ZNF131: variants seen among roughly 807,000 people sequenced by gnomAD.
ZNF131 encodes zinc finger and BTB domain containing 35.
Under a neutral mutation model 60.0 loss-of-function variants are expected in ZNF131, and 7 were observed. The observed-to-expected ratio is 0.12, with a 90% CI of 0.07 to 0.22. The LOEUF (loss-of-function observed/expected upper bound fraction) is 0.22. Ranked by LOEUF, ZNF131 falls within the 10% of genes least tolerant of loss-of-function variation. The pLI is 1.00. For missense variants in ZNF131, 493 were observed against 740.9 expected, an observed-to-expected ratio of 0.67 and a Z score of 3.88; for synonymous variants, 257 against 253.2, an observed-to-expected ratio of 1.01 and a Z score of -0.14.
chr5:43,128,658 A>T (rs1259352476), intron 3 of ZNF131, among the ~76,000 whole-genome samples: 37 of 47,192 alleles, frequency 7.8e-4, no homozygotes, highest in African/African-American at 2.1e-3. Flanking sequence ...CTCCATCTCA[A>T]AAAAAAAAAA....
chr5:43,156,873 T>G (rs2111850142), intron 4 of ZNF131, among the ~76,000 whole-genome samples: 1 of 152,022 alleles, frequency 6.6e-6, no homozygotes, highest in East Asian at 1.9e-4. Context: ...CTTGTCTCTC[T>G]ACCCCCACCA....
Position 43,161,513 on chromosome 5 carries a change from A to G in ZNF131, c.636A>G (p.Ala212=), listed in dbSNP as rs1426433532. 6.2e-7 allele frequency: 1 copy of G among 1,614,134 alleles called. No homozygotes were observed. Among genetic ancestry groups the G allele is most frequent in the Non-Finnish European group, 8.5e-7 (1 of 1,180,044 alleles). The change falls in exon 5 of 7, where the codon GCA becomes GCG. Residue 212 remains alanine, a synonymous_variant. Transcript: ENST00000682664. ...STGSSDDSAL[A]LLADITSKYR... is the part of the protein sequence containing the mutation. ...GTTCCTCTGATGATTCTGCTCTAGC[A>G]CTGTTGGCAGATATTACCAGCAAGT...
chr5:43,162,309 C>T (rs1465468713), intron 5 of ZNF131, among the ~76,000 whole-genome samples: 2 of 152,290 alleles, frequency 1.3e-5, no homozygotes, highest in East Asian at 1.9e-4. Context: ...CAATCCCTGA[C>T]AGCCAGGCGC....
At chr5:43,155,498 C>T (rs1216117700) in intron 4 of ZNF131, among the ~76,000 whole-genome samples, 1 of 152,178 alleles carries the variant, frequency 6.6e-6, no homozygotes, top group Non-Finnish European at 1.5e-5. Context: ...ACAAAAGCAT[C>T]AGGCTCAGAC....
At chr5:43,170,206 TGAAAA>T (rs1471689159) in intron 5 of ZNF131, among the ~76,000 whole-genome samples, 2 of 152,372 alleles carry the variant, frequency 1.3e-5, no homozygotes, top group Non-Finnish European at 2.9e-5. Flanking sequence ...TTTTGGGAGT[TGAAAA>T]GAGTTTCTGT....
Position 43,174,876 on chromosome 5 carries a change from C to T in ZNF131, c.1615C>T (p.His539Tyr). The change falls in exon 7 of 7, where the codon CAT becomes TAT. Residue 539 changes from histidine to tyrosine, a missense_variant. By Grantham distance (83) the His-to-Tyr change is moderately conservative. This residue lies in a region of ZNF131 where 202 missense variants were observed against 221.3 expected (regional missense o/e 0.91). Transcript: ENST00000682664. ...TCAGACTGAAGAAGGTACTGAAGTACATGTAGAGGAGCTGCATGTTGAACG... is the reference window on the plus strand; with the variant it reads ...TCAGACTGAAGAAGGTACTGAAGTATATGTAGAGGAGCTGCATGTTGAACG... The part of the protein sequence containing the change: ...RIQTEEGTEV[H>Y]VEELHVERVN... 6.2e-7 allele frequency: 1 copy of T among 1,614,064 alleles called. No individual in the cohort carries two copies. The highest frequency in any genetic ancestry group is 8.5e-7 in the Non-Finnish European group (1 of 1,180,024).
At chr5:43,142,936 C>T (rs746172406) in intron 4 of ZNF131, among the ~76,000 whole-genome samples, 5 of 151,932 alleles carry the variant, frequency 3.3e-5, no homozygotes, top group African/African-American at 7.3e-5. Context: ...GCTCAAGAGA[C>T]GTGGCCACCT....
At chr5:43,169,243 A>C (rs142297060) in intron 5 of ZNF131, among the ~76,000 whole-genome samples, 94 of 152,358 alleles carry the variant, frequency 6.2e-4, no homozygotes, top group African/African-American at 2.2e-3. Flanking sequence ...GGGTTGTGAC[A>C]AATAAGAAAA....
intron 4 of ZNF131, among the ~76,000 whole-genome samples, chr5:43,139,832 T>C (rs1419813221): frequency 6.6e-6 from 1 of 152,196 alleles, no homozygotes; most frequent in Non-Finnish European, 1.5e-5. Context: ...GACTATTCAG[T>C]TACATTATTC....
At chr5:43,145,249 A>G (rs1747434205) in intron 4 of ZNF131, among the ~76,000 whole-genome samples, 1 of 152,184 alleles carries the variant, frequency 6.6e-6, no homozygotes, top group Non-Finnish European at 1.5e-5. Context: ...GCAAAACAAA[A>G]GCCTGGTAGG....
rs1744100629 is a variant in ZNF131 at position 43,123,248 on chromosome 5, G to C, written c.164G>C (p.Cys55Ser). The C allele has an allele frequency of 6.2e-7, 1 of 1,612,086 alleles. No individual in the cohort carries two copies. The highest frequency in any genetic ancestry group is 8.5e-7 in the Non-Finnish European group (1 of 1,179,490). The change falls in exon 3 of 7, where the codon TGT (cysteine) becomes TCT (serine). Residue 55 changes from cysteine to serine, a missense_variant. Cys to Ser is a moderately radical substitution (Grantham distance 112, BLOSUM62 -1). This residue lies in a region of ZNF131 where 66 missense variants were observed against 148.0 expected (regional missense o/e 0.45). Transcript: ENST00000682664. ...FKAHKAVLAA[C>S]SKFFYKFFQE... ...GCTCACAAGGCTGTTTTGGCTGCTT[G>C]TAGTAAGTTCTTCTACAAATTCTTT...
At chr5:43,149,201 G>A (rs1473408286) in intron 4 of ZNF131, among the ~76,000 whole-genome samples, 1 of 152,016 alleles carries the variant, frequency 6.6e-6, no homozygotes, top group Non-Finnish European at 1.5e-5. Context: ...AACCTGGGAG[G>A]CAGAGGCTGC....
chr5:43,158,444 C>T (rs1358479094), intron 4 of ZNF131, among the ~76,000 whole-genome samples: 1 of 152,108 alleles, frequency 6.6e-6, no homozygotes, highest in Non-Finnish European at 1.5e-5. Context: ...CATGTGCCAC[C>T]ATGCCCGGCT....
chr5:43,126,212 C>T (rs1397824996), intron 3 of ZNF131, among the ~76,000 whole-genome samples: 2 of 149,280 alleles, frequency 1.3e-5, no homozygotes, highest in East Asian at 3.8e-4. Flanking sequence ...TGGAGTATGT[C>T]ATGGACATTT....
Position 43,174,882 on chromosome 5 carries a change from G to A in ZNF131, c.1621G>A (p.Glu541Lys). 3.1e-6 allele frequency: 5 copies of A among 1,614,146 alleles called. No homozygotes were observed. The highest frequency in any genetic ancestry group is 4.2e-6 in the Non-Finnish European group (5 of 1,180,038). ...QTEEGTEVHV[E>K]ELHVERVNQM... ...TGAAGAAGGTACTGAAGTACATGTA[G>A]AGGAGCTGCATGTTGAACGGGTCAA... The change falls in exon 7 of 7, where the codon GAG (glutamate) becomes AAG (lysine). Residue 541 changes from glutamate to lysine, a missense_variant. Around this residue, in one of 7 missense-constraint regions of ZNF131, gnomAD observed 202 missense variants for 221.3 expected, o/e 0.91. Coordinates refer to ENST00000682664, the MANE Select transcript of ZNF131 (RefSeq NM_001330707.2).
At chr5:43,130,858 G>A (rs912051432) in intron 3 of ZNF131, among the ~76,000 whole-genome samples, 2 of 150,792 alleles carry the variant, frequency 1.3e-5, no homozygotes, top group East Asian at 2.0e-4. Flanking sequence ...GAGCCACCAC[G>A]CCCGGCTCTT....
chr5:43,135,043 G>A (rs552862570), intron 3 of ZNF131, among the ~76,000 whole-genome samples: 2 of 145,518 alleles, frequency 1.4e-5, no homozygotes, highest in South Asian at 2.2e-4. Flanking sequence ...TTGTTGCCCC[G>A]GCTGGAGTGC....
intron 3 of ZNF131, among the ~76,000 whole-genome samples, chr5:43,125,899 AT>A (rs534103139): frequency 3.3e-4 from 50 of 152,288 alleles, no homozygotes; most frequent in African/African-American, 1.2e-3. Context: ...TCACCTTGAG[AT>A]TTAGGTCTGT....
At chr5:43,168,775 G>A (rs553688686) in intron 5 of ZNF131, among the ~76,000 whole-genome samples, 34 of 152,264 alleles carry the variant, frequency 2.2e-4, no homozygotes, top group Non-Finnish European at 4.4e-4. Flanking sequence ...GGGAGGTTGG[G>A]TAAAGGCAGT....
Sources: allele counts gnomAD v4.1 joint callset (sites outside exome capture counted in the v4.1 genomes callset), GRCh38; gene constraint gnomAD v4.1.1; regional missense constraint gnomAD v4.1.1; transcripts MANE v1.5; gene names NCBI Gene and HGNC (gene_info 2026-07-23, HGNC 2026-07-21).